Variants in PARD3 observed in about 807,000 individuals in gnomAD.
PARD3 encodes par-3 family cell polarity regulator.
PARD3 carries 75 observed loss-of-function variants against 155.4 expected under a neutral mutation model. That is an observed-to-expected ratio of 0.48 (90% CI 0.40 to 0.58). The LOEUF (loss-of-function observed/expected upper bound fraction) is 0.58. Among genes scored for constraint, PARD3 ranks in the 20% least tolerant of loss-of-function variants. The pLI, the probability that PARD3 is intolerant of heterozygous loss-of-function variation, is 0.00. For synonymous variants in PARD3, 576 were observed against 610.5 expected (o/e 0.94, Z 0.83); for missense variants, 1,642 against 1,721.7 (o/e 0.95, Z 0.82).
intron 4 of PARD3, among the ~76,000 whole-genome samples, chr10:34,451,416 G>GCTA (rs1250582936): frequency 6.6e-6 from 1 of 152,026 alleles, no homozygotes; most frequent in Non-Finnish European, 1.5e-5. Context: ...GAGTAATCTG[G>GCTA]CTATAAGTAT....
chr10:34,600,706 C>T (rs1214017122), intron 2 of PARD3, among the ~76,000 whole-genome samples: 3 of 152,176 alleles, frequency 2.0e-5, no homozygotes, highest in Non-Finnish European at 2.9e-5. Flanking sequence ...AACAATGTCA[C>T]AGATGAAAGA....
At chr10:34,487,474 T>G (rs2133276704) in intron 3 of PARD3, among the ~76,000 whole-genome samples, 1 of 152,156 alleles carries the variant, frequency 6.6e-6, no homozygotes, top group East Asian at 1.9e-4. Flanking sequence ...TTCACATTGA[T>G]TGTCTCAAGT....
At chr10:34,727,878 CCACACACACACACACA>C (rs61342514) in intron 1 of PARD3, among the ~76,000 whole-genome samples, 1 of 144,614 alleles carries the variant, frequency 6.9e-6, no homozygotes, top group Non-Finnish European at 1.5e-5. Flanking sequence ...CCTCCCTCCG[CCACACACACACACACA>C]CACACACACA....
At chr10:34,420,724 A>T (rs559439103) in intron 5 of PARD3, among the ~76,000 whole-genome samples, 2 of 152,358 alleles carry the variant, frequency 1.3e-5, no homozygotes, top group South Asian at 4.1e-4. Context: ...CAAATAGAAG[A>T]CAAAGACTAC....
intron 15 of PARD3, chr10:34,345,041 T>C: frequency 1.0e-6 from 1 of 984,564 alleles, no homozygotes; most frequent in Non-Finnish European, 1.2e-6. Context: ...TCTGGAGACT[T>C]TCGAATAACT....
At position 34,382,703 on chromosome 10, in the gene PARD3, AG is replaced by A. The variant is rs748749150; in HGVS notation, c.1235del (p.Pro412LeufsTer4). The A allele has an allele frequency of 6.2e-7, 1 of 1,614,068 alleles. No individual in the cohort carries two copies. The highest frequency in any genetic ancestry group is 8.5e-7 in the Non-Finnish European group (1 of 1,180,048). On this transcript the variant is annotated frameshift_variant, in exon 9 of 25. Coordinates refer to ENST00000374788, the MANE Select transcript of PARD3 (RefSeq NM_001184785.2). LOFTEE classifies it high-confidence loss of function. ...GTCTTGAGTGAGAGTCTATCTGCTCAGGCGGGTGGTTCAGTCGGGGTGCTCT... is the reference window on the plus strand; with the variant it reads ...GTCTTGAGTGAGAGTCTATCTGCTCAGCGGGTGGTTCAGTCGGGGTGCTCT... ...VQRAPRLNHP[P>X]EQIDSHSRLP...
chr10:34,453,076 A>AT (rs1564731205), intron 4 of PARD3, among the ~76,000 whole-genome samples: 3 of 152,232 alleles, frequency 2.0e-5, no homozygotes, highest in African/African-American at 7.2e-5. Flanking sequence ...TTCCTAAAAC[A>AT]TATGTTGGAT....
chr10:34,711,070 G>A (rs537767725), intron 1 of PARD3, among the ~76,000 whole-genome samples: 31 of 152,178 alleles, frequency 2.0e-4, no homozygotes, highest in Admixed American at 3.9e-4. Flanking sequence ...CAGGTATTCC[G>A]GAGACTGAGG....
At chr10:34,147,117 T>A (rs1184778985) in intron 22 of PARD3, among the ~76,000 whole-genome samples, 1 of 152,018 alleles carries the variant, frequency 6.6e-6, no homozygotes, top group East Asian at 1.9e-4. Context: ...ACTTTTGAGA[T>A]TTTCATGACT....
At chr10:34,692,232 CAAA>C (rs112974802) in intron 2 of PARD3, among the ~76,000 whole-genome samples, 3,033 of 132,638 alleles carry the variant, frequency 0.023, 112 homozygotes, top group African/African-American at 0.077. Flanking sequence ...GACTTCATTT[CAAA>C]AAAAAAAAAA....
intron 2 of PARD3, among the ~76,000 whole-genome samples, chr10:34,599,620 A>G (rs550555457): frequency 1.2e-4 from 19 of 152,356 alleles, no homozygotes; most frequent in Middle Eastern, 3.4e-3. Context: ...ATTCAAATTA[A>G]TGTCAGGAAA....
chr10:34,198,990 C>T (rs192171642), intron 22 of PARD3, among the ~76,000 whole-genome samples: 131 of 152,212 alleles, frequency 8.6e-4, no homozygotes, highest in African/African-American at 3.2e-3. Context: ...GTCACAAAAC[C>T]TGGGCATCCC....
intron 2 of PARD3, among the ~76,000 whole-genome samples, chr10:34,644,852 T>C (rs1315771779): frequency 6.6e-6 from 1 of 152,144 alleles, no homozygotes; most frequent in South Asian, 2.1e-4. Flanking sequence ...TAAAACTACA[T>C]GTTTTATTTA....
intron 7 of PARD3, among the ~76,000 whole-genome samples, chr10:34,393,901 G>A (rs1327481096): frequency 2.0e-5 from 3 of 148,734 alleles, no homozygotes; most frequent in Middle Eastern, 3.5e-3. Context: ...GCAGTGGCGC[G>A]ATCTCAGCTC....
intron 22 of PARD3, among the ~76,000 whole-genome samples, chr10:34,264,326 A>G (rs765328475): frequency 6.6e-6 from 1 of 152,200 alleles, no homozygotes; most frequent in Non-Finnish European, 1.5e-5. Flanking sequence ...TATTCAATGC[A>G]TTTCCAATAT....
intron 3 of PARD3, among the ~76,000 whole-genome samples, chr10:34,515,554 A>G (rs1430260562): frequency 6.6e-6 from 1 of 152,144 alleles, no homozygotes; most frequent in Non-Finnish European, 1.5e-5. Flanking sequence ...TACACCTTCT[A>G]AATTCTCTAC....
intron 2 of PARD3, among the ~76,000 whole-genome samples, chr10:34,560,563 C>T (rs1463411388): frequency 6.6e-6 from 1 of 152,174 alleles, no homozygotes; most frequent in Non-Finnish European, 1.5e-5. Context: ...TGCATTTTCA[C>T]AATTATTTTA....
intron 22 of PARD3, among the ~76,000 whole-genome samples, chr10:34,241,822 G>A (rs1953616009): frequency 6.6e-6 from 1 of 152,108 alleles, no homozygotes; most frequent in Non-Finnish European, 1.5e-5. Flanking sequence ...TTCTTACCAG[G>A]TTCTAAATAG....
intron 2 of PARD3, among the ~76,000 whole-genome samples, chr10:34,595,476 T>C (rs886442929): frequency 6.6e-6 from 1 of 152,248 alleles, no homozygotes; most frequent in Non-Finnish European, 1.5e-5. Context: ...CAAGGCACAA[T>C]GCCATCAATT....
Sources: allele counts gnomAD v4.1 joint callset (sites outside exome capture counted in the v4.1 genomes callset), GRCh38; gene constraint gnomAD v4.1.1; transcripts MANE v1.5; gene names NCBI Gene and HGNC (gene_info 2026-07-23, HGNC 2026-07-21).